CFAP119: variants seen among roughly 807,000 people sequenced by gnomAD.
The protein encoded by CFAP119 is cilia and flagella associated protein 119, also known as cilia- and flagella-associated protein 119.
the CFAP119 span, chr16:30,761,738 C>A: frequency 2.0e-6 from 3 of 1,524,032 alleles, no homozygotes; most frequent in South Asian, 1.2e-5. Context: ...GCTGGTCTTG[C>A]GGTTGAGCAT....
At chr16:30,761,151 A>C in the CFAP119 span, 1 of 1,604,790 alleles carries the variant, frequency 6.2e-7, no homozygotes, top group Non-Finnish European at 8.5e-7. Context: ...TGGGGAGACA[A>C]TAAAGAACGC....
the CFAP119 span, chr16:30,758,474 ACCC>A: frequency 1.2e-5 from 2 of 173,624 alleles, no homozygotes; most frequent in African/African-American, 4.8e-5. Flanking sequence ...TTACCCATCA[ACCC>A]ATCATATAGG....
At chr16:30,760,449 G>A in the CFAP119 span, 19 of 1,613,942 alleles carry the variant, frequency 1.2e-5, no homozygotes, top group East Asian at 4.2e-4. Flanking sequence ...AGCTCAGCCA[G>A]CACCCTTGGG....
At chr16:30,761,725 G>A in the CFAP119 span, 2 of 1,528,756 alleles carry the variant, frequency 1.3e-6, no homozygotes, top group Non-Finnish European at 1.8e-6. Flanking sequence ...TTCCCAAAAA[G>A]TGGCTGGTCT....
At chr16:30,758,930 T>A in the CFAP119 span, 12 of 1,553,798 alleles carry the variant, frequency 7.7e-6, no homozygotes, top group Non-Finnish European at 1.0e-5. Flanking sequence ...AAACAAAAAG[T>A]CTGAAGTCCT....
At chr16:30,761,752 G>A in the CFAP119 span, 1 of 1,518,946 alleles carries the variant, frequency 6.6e-7, no homozygotes, top group Non-Finnish European at 8.8e-7. Flanking sequence ...TGAGCATCTC[G>A]CCGCTCTTCC....
the CFAP119 span, chr16:30,760,386 G>T: frequency 1.2e-6 from 2 of 1,614,188 alleles, no homozygotes; most frequent in South Asian, 2.2e-5. Flanking sequence ...TGGCAGAAGA[G>T]GTCCAGGGTG....
chr16:30,757,762 T>A, the CFAP119 span: 1 of 1,463,108 alleles, frequency 6.8e-7, no homozygotes, highest in Non-Finnish European at 9.0e-7. Context: ...GGTGGGGATA[T>A]AGAGGTAGCA....
At chr16:30,757,983 G>T in the CFAP119 span, 1 of 324,798 alleles carries the variant, frequency 3.1e-6, no homozygotes, top group Non-Finnish European at 5.2e-6. Context: ...AGGATTAAAT[G>T]AGTTAATTTA....
At chr16:30,761,223 G>A in the CFAP119 span, 1 of 1,613,764 alleles carries the variant, frequency 6.2e-7, no homozygotes, top group Non-Finnish European at 8.5e-7. Context: ...GGTCGGGGCA[G>A]CGGCGGCTGC....
At chr16:30,759,982 A>G in the CFAP119 span, 1 of 1,456,848 alleles carries the variant, frequency 6.9e-7, no homozygotes. Flanking sequence ...GAAATAGATC[A>G]TTTCAGCTAT....
chr16:30,761,099 T>TC, the CFAP119 span: 3 of 1,387,276 alleles, frequency 2.2e-6, no homozygotes, highest in Non-Finnish European at 3.0e-6. Flanking sequence ...GGCCTCAGTC[T>TC]CATCTGTAAA....
At chr16:30,760,231 GGCCC>G in the CFAP119 span, 1 of 1,613,358 alleles carries the variant, frequency 6.2e-7, no homozygotes. Flanking sequence ...ACTTGTGCCA[GGCCC>G]GGTTCCTCTT....
chr16:30,760,719 A>G, the CFAP119 span: 1,505,635 of 1,513,426 alleles, frequency 0.99, 749,264 homozygotes, highest in Non-Finnish European at 1. Flanking sequence ...TATCATGACA[A>G]GGCTGTGACA....
chr16:30,758,942 A>C, the CFAP119 span: 1 of 1,591,120 alleles, frequency 6.3e-7, no homozygotes, highest in Non-Finnish European at 8.5e-7. Context: ...TGAAGTCCTG[A>C]TGTCATCCAA....
At chr16:30,760,981 A>T in the CFAP119 span, 1 of 619,286 alleles carries the variant, frequency 1.6e-6, no homozygotes, top group Non-Finnish European at 2.8e-6. Context: ...CGGCCATGAG[A>T]CTCCATTTAC....
the CFAP119 span, chr16:30,760,886 T>A: frequency 4.8e-6 from 3 of 620,898 alleles, no homozygotes; most frequent in East Asian, 8.2e-5. Flanking sequence ...TTGAATTCTT[T>A]TTTCTGCTCT....
the CFAP119 span, chr16:30,759,484 C>T: frequency 1.9e-6 from 3 of 1,614,198 alleles, no homozygotes; most frequent in East Asian, 2.2e-5. Context: ...GGAATTAGAA[C>T]CCTGACTACC....
At chr16:30,759,961 G>C in the CFAP119 span, 1 of 1,449,038 alleles carries the variant, frequency 6.9e-7, no homozygotes, top group Non-Finnish European at 9.0e-7. Flanking sequence ...TATTCTAGGG[G>C]AATAAACCAA....
Sources: allele counts gnomAD v4.1 joint callset, GRCh38; gene constraint gnomAD v4.1.1; transcripts MANE v1.5; gene names NCBI Gene and HGNC (gene_info 2026-07-23, HGNC 2026-07-21).